KRAS: variants seen among roughly 807,000 people sequenced by gnomAD.
KRAS encodes GTPase KRas.
KRAS carries 1 observed loss-of-function variant against 21.0 expected under a neutral mutation model. The observed-to-expected ratio is 0.05, with a 90% CI of 0.02 to 0.23. The LOEUF is 0.23. Ranked by LOEUF, KRAS falls within the 10% of genes least tolerant of loss-of-function variation. The probability of loss-of-function intolerance (pLI) is 1.00; values close to 1 mark genes in which losing one functional copy is unlikely to be tolerated. For synonymous variants in KRAS, 67 were observed against 72.5 expected (o/e 0.92, Z 0.39); for missense variants, 107 against 221.8 (o/e 0.48, Z 3.29).
At chr12:25,226,102 T>C (rs1951388991) in intron 3 of KRAS, among the ~76,000 whole-genome samples, 1 of 152,176 alleles carries the variant, frequency 6.6e-6, no homozygotes, top group Admixed American at 6.5e-5. Context: ...ACTATAATTT[T>C]AGAAACGTAT....
At position 25,250,899 on chromosome 12, in the gene KRAS, T is replaced by C. The variant is rs727503111; in HGVS notation, c.-160A>G. 8.0e-4 allele frequency: 197 copies of C among 247,164 alleles called. No individual in the cohort carries two copies. Among genetic ancestry groups the C allele is most frequent in the African/African-American group, 3.3e-3 (145 of 44,416 alleles). 15.3% of individuals were successfully genotyped at this position (247,164 alleles called of 1,614,324 possible). On this transcript the variant is annotated 5_prime_UTR_variant, in exon 1 of 5. Transcript: ENST00000311936. ...TCGCCGCCGCCACTGCCGCCGCCGC[T>C]GCTGCCTCCGCCGCCGCGGCCGCCG...
intron 2 of KRAS, among the ~76,000 whole-genome samples, chr12:25,232,859 A>G (rs1951491904): frequency 6.6e-6 from 1 of 152,224 alleles, no homozygotes; most frequent in South Asian, 2.1e-4. Flanking sequence ...TGACATAATA[A>G]GCACAATATT....
chr12:25,229,639 G>C (rs1951440175), intron 2 of KRAS, among the ~76,000 whole-genome samples: 1 of 152,138 alleles, frequency 6.6e-6, no homozygotes, highest in Non-Finnish European at 1.5e-5. Context: ...AAAAAATATG[G>C]TAAAGGGATG....
chr12:25,247,697 A>AT (rs1376985755), intron 1 of KRAS, among the ~76,000 whole-genome samples: 1 of 152,200 alleles, frequency 6.6e-6, no homozygotes, highest in Non-Finnish European at 1.5e-5. Context: ...TCATAATAAC[A>AT]TTAAGATGTC....
chr12:25,231,670 T>C (rs1355835095), intron 2 of KRAS, among the ~76,000 whole-genome samples: 1 of 152,132 alleles, frequency 6.6e-6, no homozygotes, highest in Non-Finnish European at 1.5e-5. Flanking sequence ...CTGAGACACA[T>C]TCCGTTTCAA....
Position 25,243,801 on chromosome 12 carries a change from C to T in KRAS, c.111+1473G>A, listed in dbSNP as rs61761076. On this transcript the variant is annotated intron_variant, in intron 2 of 4. Coordinates refer to ENST00000311936, the MANE Select transcript of KRAS (RefSeq NM_004985.5). ...TTTGCAATACAGATTAAAATGGGTGCACTATTCAAACCTCTTCAAAGAAAC... is the reference window on the plus strand; with the variant it reads ...TTTGCAATACAGATTAAAATGGGTGTACTATTCAAACCTCTTCAAAGAAAC... Among the ~76,000 whole-genome samples the T allele has an allele frequency of 5.4e-3, 820 of 152,252 alleles. 7 individuals are homozygous for T. The highest frequency in any genetic ancestry group is 0.018 in the African/African-American group (759 of 41,542).
chr12:25,235,356 G>T (rs7133635), intron 2 of KRAS: 363,499 of 376,444 alleles, frequency 0.97, 175,932 homozygotes, highest in East Asian at 1. Flanking sequence ...CATCAAAGAC[G>T]GTTGTAGACT....
intron 4 of KRAS, chr12:25,215,523 ATC>A (rs1951244993): frequency 6.2e-7 from 1 of 1,612,206 alleles, no homozygotes. Context: ...GTATTGTCGG[ATC>A]TCTCTCACCA....
chr12:25,215,235 C>T (rs761447143), intron 4 of KRAS: 2 of 725,580 alleles, frequency 2.8e-6, no homozygotes, highest in African/African-American at 3.8e-5. Flanking sequence ...GATTAGTCTA[C>T]TACAGCCATC....
In KRAS at chr12:25,243,540, C is replaced by A. The variant is rs12321084; in HGVS notation, c.111+1734G>T. 4.3e-3 allele frequency among the ~76,000 whole-genome samples: 648 copies of A among 152,290 alleles called. 3 individuals are homozygous for A. Among genetic ancestry groups the A allele is most frequent in the African/African-American group, 0.015 (622 of 41,560 alleles). On this transcript the variant is annotated intron_variant, in intron 2 of 4. Coordinates refer to ENST00000311936, the MANE Select transcript of KRAS (RefSeq NM_004985.5). ...TTTAACAATCATTAGCAAAAGGTTT[C>A]CTAACCCACTTTATCACATTCATGA...
chr12:25,230,357 G>A (rs969450198), intron 2 of KRAS, among the ~76,000 whole-genome samples: 3 of 152,198 alleles, frequency 2.0e-5, no homozygotes, highest in Admixed American at 1.3e-4. Flanking sequence ...GGCCGGGTGC[G>A]ATGGCTCATG....
At chr12:25,229,975 T>TGTTA (rs1195595506) in intron 2 of KRAS, among the ~76,000 whole-genome samples, 2 of 152,054 alleles carry the variant, frequency 1.3e-5, no homozygotes, top group Non-Finnish European at 2.9e-5. Context: ...GGTTTCACCA[T>TGTTA]GTTAGTCAGG....
intron 2 of KRAS, among the ~76,000 whole-genome samples, chr12:25,229,952 TTAG>T (rs1427505697): frequency 6.6e-6 from 1 of 152,024 alleles, no homozygotes; most frequent in Non-Finnish European, 1.5e-5. Context: ...TACTGTTTTT[TTAG>T]TAGAGATGGG....
intron 2 of KRAS, among the ~76,000 whole-genome samples, chr12:25,231,092 C>CTT (rs34361223): frequency 8.4e-4 from 56 of 66,390 alleles, no homozygotes; most frequent in Middle Eastern, 0.011. Flanking sequence ...ACCTCACATT[C>CTT]TTTTTTTTTT....
intron 2 of KRAS, among the ~76,000 whole-genome samples, chr12:25,228,419 C>G (rs10842512): frequency 0.49 from 74,808 of 151,698 alleles, 19,393 homozygotes; most frequent in East Asian, 0.8. Flanking sequence ...CTGGTCACAA[C>G]CATTTTGGAT....
At chr12:25,220,342 G>C (rs1240286581) in intron 4 of KRAS, among the ~76,000 whole-genome samples, 1 of 152,162 alleles carries the variant, frequency 6.6e-6, no homozygotes, top group Admixed American at 6.5e-5. Flanking sequence ...TGAGTGTAAA[G>C]AATATGTAAC....
chr12:25,246,382 A>T (rs1193329312), intron 1 of KRAS, among the ~76,000 whole-genome samples: 5 of 152,178 alleles, frequency 3.3e-5, no homozygotes, highest in African/African-American at 1.2e-4. Context: ...ATATGGTGAA[A>T]CCCTCTCTCT....
chr12:25,235,150 G>A (rs1436276305), intron 2 of KRAS: 2 of 482,286 alleles, frequency 4.1e-6, no homozygotes, highest in Non-Finnish European at 7.7e-6. Context: ...TATTACTCGG[G>A]GATTTCCTCT....
At chr12:25,231,409 A>G (rs1049609791) in intron 2 of KRAS, among the ~76,000 whole-genome samples, 6 of 152,092 alleles carry the variant, frequency 3.9e-5, no homozygotes, top group African/African-American at 1.4e-4. Flanking sequence ...TTACTTACCA[A>G]TGTAGGCTGA....
Sources: gnomAD v4.1 joint callset for allele counts (sites outside exome capture counted in the v4.1 genomes callset) on GRCh38, gnomAD v4.1.1 for gene constraint, MANE v1.5 for transcripts, NCBI Gene and HGNC (gene_info 2026-07-23, HGNC 2026-07-21) for gene names.